Variants in RFC3 observed in about 807,000 individuals in gnomAD.
RFC3 encodes A1 38 kDa subunit.
A neutral mutation model predicts 45.1 loss-of-function variants in RFC3; 41 were observed. The observed-to-expected ratio is 0.91, with a 90% confidence interval of 0.71 to 1.18. The LOEUF is 1.18. RFC3 is among the 50% of genes most tolerant of loss of function. The pLI is 0.00. For missense variants in RFC3, 423 were observed against 428.1 expected, an observed-to-expected ratio of 0.99 and a Z score of 0.10; for synonymous variants, 149 against 144.0, an observed-to-expected ratio of 1.03 and a Z score of -0.25.
intron 8 of RFC3, among the ~76,000 whole-genome samples, chr13:33,916,475 A>G (rs1247074681): frequency 2.0e-5 from 3 of 152,170 alleles, no homozygotes; most frequent in Non-Finnish European, 4.4e-5. Flanking sequence ...ACACAAAGTC[A>G]GATTTCACCT....
intron 8 of RFC3, among the ~76,000 whole-genome samples, chr13:33,927,128 T>C (rs1376976873): frequency 1.3e-5 from 2 of 151,724 alleles, no homozygotes; most frequent in Non-Finnish European, 2.9e-5. Context: ...AAGATCAAAA[T>C]TGAGAAAAAG....
intron 8 of RFC3, among the ~76,000 whole-genome samples, chr13:33,952,530 T>C (rs1023508288): frequency 6.6e-6 from 1 of 152,198 alleles, no homozygotes; most frequent in Non-Finnish European, 1.5e-5. Flanking sequence ...ACAGGAATGT[T>C]GAGCTGATTA....
At chr13:33,895,041 A>G (rs1052264651) in intron 8 of RFC3, among the ~76,000 whole-genome samples, 1 of 152,242 alleles carries the variant, frequency 6.6e-6, no homozygotes, top group Non-Finnish European at 1.5e-5. Flanking sequence ...ACCTGAAACC[A>G]TAAAAATTCT....
chr13:33,835,306 A>G (rs1401927091), intron 8 of RFC3, 89 bp downstream of exon 8: 2 of 815,432 alleles, frequency 2.5e-6, no homozygotes, highest in Admixed American at 3.4e-5. Context: ...GTATCAAGAT[A>G]TCACCTCTTT....
chr13:33,857,221 A>G (rs1029822112), intron 8 of RFC3, among the ~76,000 whole-genome samples: 1 of 152,210 alleles, frequency 6.6e-6, no homozygotes, highest in Admixed American at 6.5e-5. Flanking sequence ...GAATATCTTC[A>G]AGATAGCGTC....
intron 8 of RFC3, among the ~76,000 whole-genome samples, chr13:33,890,569 GT>G (rs1458895076): frequency 6.6e-6 from 1 of 152,182 alleles, no homozygotes; most frequent in East Asian, 1.9e-4. Context: ...TGGTTTAGCA[GT>G]TTCCCACCTC....
At chr13:33,928,020 C>T (rs2082826470) in intron 8 of RFC3, among the ~76,000 whole-genome samples, 1 of 152,028 alleles carries the variant, frequency 6.6e-6, no homozygotes, top group South Asian at 2.1e-4. Context: ...TCCAAACAGC[C>T]CTGTAAGGTG....
chr13:33,944,979 C>T (rs1352473449), intron 8 of RFC3, among the ~76,000 whole-genome samples: 3 of 152,146 alleles, frequency 2.0e-5, no homozygotes, highest in African/African-American at 7.2e-5. Flanking sequence ...AGGCATAACA[C>T]ATTTTTGTTT....
intron 1 of RFC3, among the ~76,000 whole-genome samples, chr13:33,819,542 A>G (rs991943186): frequency 4.6e-5 from 7 of 152,200 alleles, no homozygotes; most frequent in African/African-American, 1.7e-4. Context: ...AGACTAGTTG[A>G]TAGTGTTGTG....
At chr13:33,819,055 T>C (rs2081977315) in intron 1 of RFC3, among the ~76,000 whole-genome samples, 1 of 151,918 alleles carries the variant, frequency 6.6e-6, no homozygotes, top group Admixed American at 6.6e-5. Context: ...CACGCACAGC[T>C]AATTTTTGTA....
intron 8 of RFC3, among the ~76,000 whole-genome samples, chr13:33,843,885 A>C (rs1024261223): frequency 6.6e-6 from 1 of 152,222 alleles, no homozygotes; most frequent in African/African-American, 2.4e-5. Flanking sequence ...ATCCATATGC[A>C]GCCTATGTTA....
At chr13:33,830,513 T>C (rs939751933) in intron 5 of RFC3, among the ~76,000 whole-genome samples, 2 of 152,176 alleles carry the variant, frequency 1.3e-5, no homozygotes, top group African/African-American at 4.8e-5. Context: ...TTTCCAGCTT[T>C]TAATAGATTT....
At chr13:33,842,711 A>G (rs905112648) in intron 8 of RFC3, among the ~76,000 whole-genome samples, 1 of 152,128 alleles carries the variant, frequency 6.6e-6, no homozygotes, top group African/African-American at 2.4e-5. Context: ...AGCCAGAATG[A>G]TGGTATAGAG....
rs139882306 is a variant in RFC3, at chr13:33,884,929, G to A, written c.879+49712G>A. Among the ~76,000 whole-genome samples the A allele has an allele frequency of 2.7e-4, 41 of 152,258 alleles. No homozygotes were observed. In the East Asian group the frequency reaches 7.3e-3, roughly 27 times the overall value. ...TCAAGATCAACTTTTCCTATGCTCC[G>A]TTGCTCTCATACCCAGGTCATTTCC... On this transcript the variant is annotated intron_variant, in intron 8 of 8. Transcript: ENST00000434425.
At chr13:33,919,524 A>G (rs751596540) in intron 8 of RFC3, among the ~76,000 whole-genome samples, 12 of 152,152 alleles carry the variant, frequency 7.9e-5, no homozygotes, top group African/African-American at 1.9e-4. Context: ...ATGAGAATCA[A>G]TATGCTTGAG....
At chr13:33,820,065 A>G (rs958195062) in intron 1 of RFC3, among the ~76,000 whole-genome samples, 2 of 152,172 alleles carry the variant, frequency 1.3e-5, no homozygotes, top group African/African-American at 4.8e-5. Flanking sequence ...TTTTTCAATA[A>G]TGGTTATTTA....
chr13:33,891,684 GCCAAC>G (rs2082564156), intron 8 of RFC3, among the ~76,000 whole-genome samples: 1 of 152,116 alleles, frequency 6.6e-6, no homozygotes, highest in African/African-American at 2.4e-5. Flanking sequence ...TAAGCACACA[GCCAAC>G]TGGATTATAA....
In RFC3 at chr13:33,823,925, TA is replaced by T. The variant is rs753959887; in HGVS notation, c.244del (p.Ile82LeufsTer25). On this transcript the variant is annotated frameshift_variant, in exon 3 of 9. Coordinates refer to ENST00000380071, the MANE Select transcript of RFC3 (RefSeq NM_002915.4). LOFTEE classifies it high-confidence loss of function. ...TTTTTCTTTGTCCACAGACTCCATC[TA>T]AAAAAAAAATTGAAATTAGCACCAT... is the stretch of plus-strand genomic sequence containing the variant. ...IEHQTITTPS[K>X]KKIEISTIAS... 5,416 of 1,354,916 alleles carry T rather than the reference TA, an allele frequency of 4.0e-3. No homozygotes were observed. The highest frequency in any genetic ancestry group is 6.3e-3 in the South Asian group (462 of 73,482). 83.9% of individuals were successfully genotyped at this position (1,354,916 alleles called of 1,614,324 possible).
intron 3 of RFC3, 53 bp downstream of exon 3, chr13:33,824,037 C>A: frequency 1.1e-6 from 1 of 906,176 alleles, no homozygotes; most frequent in Non-Finnish European, 1.7e-6. Flanking sequence ...TGGTTTTGGG[C>A]TTTCTTTTTT....
Sources: gnomAD v4.1 joint callset for allele counts (sites outside exome capture counted in the v4.1 genomes callset) on GRCh38, gnomAD v4.1.1 for gene constraint, MANE v1.5 for transcripts, NCBI Gene and HGNC (gene_info 2026-07-23, HGNC 2026-07-21) for gene names.